Variants in PAK5 observed in about 807,000 individuals in gnomAD.
PAK5 encodes the protein p21 (RAC1) activated kinase 5, also known as serine/threonine-protein kinase PAK 5.
In PAK5, 16 loss-of-function variants were observed where a neutral mutation model predicts 65.9. The ratio of observed to expected loss-of-function variants is 0.24; its 90% CI spans 0.16 to 0.37. PAK5 has a LOEUF of 0.37. Ranked by LOEUF, PAK5 falls within the 10% of genes least tolerant of loss-of-function variation. The probability of loss-of-function intolerance (pLI) is 1.00; values close to 1 mark genes in which losing one functional copy is unlikely to be tolerated. For synonymous variants in PAK5, 371 were observed against 354.9 expected (o/e 1.05, Z -0.51); for missense variants, 785 against 903.9 (o/e 0.87, Z 1.69).
intron 3 of PAK5, among the ~76,000 whole-genome samples, chr20:9,615,371 C>T (rs2046636563): frequency 1.3e-5 from 2 of 152,132 alleles, no homozygotes; most frequent in Admixed American, 1.3e-4. Flanking sequence ...AACAAACATG[C>T]CACTTTGGTA....
chr20:9,632,864 T>C (rs901847975), intron 3 of PAK5, among the ~76,000 whole-genome samples: 1 of 152,226 alleles, frequency 6.6e-6, no homozygotes, highest in African/African-American at 2.4e-5. Flanking sequence ...GGCACAGTGA[T>C]GTGGTGATTA....
chr20:9,629,171 T>G (rs903684124), intron 3 of PAK5, among the ~76,000 whole-genome samples: 4 of 152,192 alleles, frequency 2.6e-5, no homozygotes, highest in Admixed American at 2.0e-4. Flanking sequence ...AATTTCAGCC[T>G]CTGAGACCTG....
chr20:9,825,363 G>C (rs1045756560), intron 1 of PAK5, among the ~76,000 whole-genome samples: 1 of 152,152 alleles, frequency 6.6e-6, no homozygotes, highest in East Asian at 1.9e-4. Context: ...AGTTGCCCTG[G>C]GTGATTCCAA....
intron 1 of PAK5, among the ~76,000 whole-genome samples, chr20:9,729,362 G>A (rs576257917): frequency 2.3e-4 from 35 of 152,208 alleles, no homozygotes; most frequent in African/African-American, 7.7e-4. Flanking sequence ...GTCTGATAAT[G>A]GTGGCCAACA....
At chr20:9,792,214 A>G (rs779145891) in intron 1 of PAK5, among the ~76,000 whole-genome samples, 2 of 152,190 alleles carry the variant, frequency 1.3e-5, no homozygotes, top group Non-Finnish European at 2.9e-5. Flanking sequence ...GGGGAAATCA[A>G]TGAAGATGTG....
chr20:9,634,532 T>C (rs923958018), intron 3 of PAK5, among the ~76,000 whole-genome samples: 1 of 152,192 alleles, frequency 6.6e-6, no homozygotes, highest in African/African-American at 2.4e-5. Flanking sequence ...GTTGATGTAG[T>C]TTGTTACTTT....
chr20:9,659,059 T>A (rs1377773299), intron 2 of PAK5, among the ~76,000 whole-genome samples: 1 of 152,174 alleles, frequency 6.6e-6, no homozygotes. Context: ...TTTGCAACAG[T>A]AACTATGAGA....
chr20:9,663,761 A>G (rs887227506), intron 2 of PAK5, among the ~76,000 whole-genome samples: 2 of 152,168 alleles, frequency 1.3e-5, no homozygotes, highest in Admixed American at 1.3e-4. Context: ...GTTTTAAAAT[A>G]TATTCCCTCA....
intron 3 of PAK5, among the ~76,000 whole-genome samples, chr20:9,610,903 T>A (rs1360645759): frequency 2.0e-5 from 3 of 152,190 alleles, no homozygotes; most frequent in Admixed American, 1.3e-4. Flanking sequence ...TTCCCCTCCA[T>A]CTCTTCTGCC....
At chr20:9,694,772 C>A (rs2047846004) in intron 2 of PAK5, among the ~76,000 whole-genome samples, 1 of 151,884 alleles carries the variant, frequency 6.6e-6, no homozygotes, top group Admixed American at 6.6e-5. Flanking sequence ...ATGACTATAC[C>A]ATAATTTGTA....
At chr20:9,635,108 T>C (rs1447061092) in intron 3 of PAK5, among the ~76,000 whole-genome samples, 1 of 152,202 alleles carries the variant, frequency 6.6e-6, no homozygotes, top group African/African-American at 2.4e-5. Context: ...GCAATGAAAT[T>C]AACTGTCTTT....
At chr20:9,631,501 A>C (rs1600170680) in intron 3 of PAK5, among the ~76,000 whole-genome samples, 1 of 152,206 alleles carries the variant, frequency 6.6e-6, no homozygotes, top group East Asian at 1.9e-4. Context: ...TTCTGCCCAC[A>C]GAATTCTGAC....
At chr20:9,704,299 T>A (rs770999500) in intron 2 of PAK5, among the ~76,000 whole-genome samples, 1 of 152,172 alleles carries the variant, frequency 6.6e-6, no homozygotes, top group Non-Finnish European at 1.5e-5. Flanking sequence ...ATGCCTTAAG[T>A]TGGCAATGAA....
Position 9,566,464 on chromosome 20 carries a change from C to G in PAK5, c.991-80G>C, listed in dbSNP as rs2123003651. On this transcript the variant is annotated intron_variant, in intron 4 of 9. Coordinates refer to ENST00000353224, the MANE Select transcript of PAK5 (RefSeq NM_177990.4). ...GCCGAGTGGTGAGTGAGCTGACTGA[C>G]AGCTGGCAGAATGAGGATCACCAGT... The G allele has an allele frequency of 2.2e-6, 3 of 1,365,506 alleles. No individual in the cohort carries two copies. In the South Asian group the frequency reaches 3.9e-5, roughly 18 times the overall value. The allele number at this position is 1,365,506 out of a possible 1,614,324, so 84.6% of individuals were successfully genotyped here.
At chr20:9,553,903 T>C (rs911153249) in intron 7 of PAK5, among the ~76,000 whole-genome samples, 3 of 152,190 alleles carry the variant, frequency 2.0e-5, no homozygotes, top group Admixed American at 2.0e-4. Context: ...TAAGTCCATT[T>C]TTAATTTTGA....
intron 1 of PAK5, among the ~76,000 whole-genome samples, chr20:9,745,924 T>C (rs1156639920): frequency 1.3e-5 from 2 of 152,146 alleles, no homozygotes; most frequent in African/African-American, 4.8e-5. Flanking sequence ...TATATTGTTT[T>C]CTCAGTACTT....
At chr20:9,575,067 C>T (rs1301639080) in intron 4 of PAK5, among the ~76,000 whole-genome samples, 1 of 152,138 alleles carries the variant, frequency 6.6e-6, no homozygotes, top group East Asian at 1.9e-4. Flanking sequence ...AAGACTGGGC[C>T]CACTGGTTCA....
chr20:9,655,939 CA>C (rs2047261722), intron 2 of PAK5, among the ~76,000 whole-genome samples: 1 of 152,096 alleles, frequency 6.6e-6, no homozygotes, highest in South Asian at 2.1e-4. Context: ...CATATTAGAT[CA>C]GGGGCCAAAC....
intron 1 of PAK5, among the ~76,000 whole-genome samples, chr20:9,811,104 TC>T (rs1210897961): frequency 6.6e-6 from 1 of 152,224 alleles, no homozygotes; most frequent in Non-Finnish European, 1.5e-5. Context: ...TACTTGAATA[TC>T]TATTTAATGA....
Sources: allele counts gnomAD v4.1 joint callset (sites outside exome capture counted in the v4.1 genomes callset), GRCh38; gene constraint gnomAD v4.1.1; transcripts MANE v1.5; gene names NCBI Gene and HGNC (gene_info 2026-07-23, HGNC 2026-07-21).